DCBLD2: variants seen among roughly 807,000 people sequenced by gnomAD.
The protein encoded by DCBLD2 is discoidin, CUB and LCCL domain-containing protein 2.
A neutral mutation model predicts 86.8 loss-of-function variants in DCBLD2; 54 were observed. That is an observed-to-expected ratio of 0.62 (90% CI 0.50 to 0.78). The LOEUF (loss-of-function observed/expected upper bound fraction) is 0.78. Among genes scored for constraint, DCBLD2 ranks in the 30% least tolerant of loss-of-function variants. The probability of loss-of-function intolerance (pLI) is 0.00; values close to 1 mark genes in which losing one functional copy is unlikely to be tolerated. For missense variants in DCBLD2, 908 were observed against 954.2 expected (o/e 0.95, Z 0.64); for synonymous variants, 354 against 341.3 (o/e 1.04, Z -0.41).
intron 12 of DCBLD2, among the ~76,000 whole-genome samples, chr3:98,809,975 ATCT>A (rs1423317255): frequency 6.6e-6 from 1 of 152,202 alleles, no homozygotes; most frequent in Non-Finnish European, 1.5e-5. Flanking sequence ...GCTTTAAAAC[ATCT>A]TCTTAGGTTC....
intron 2 of DCBLD2, among the ~76,000 whole-genome samples, chr3:98,864,217 A>G (rs1943099291): frequency 6.6e-6 from 1 of 152,218 alleles, no homozygotes; most frequent in Non-Finnish European, 1.5e-5. Flanking sequence ...GGTGCTGGAG[A>G]GGTTGTGGAG....
intron 2 of DCBLD2, among the ~76,000 whole-genome samples, chr3:98,860,610 T>C (rs965479827): frequency 1.3e-5 from 2 of 152,172 alleles, no homozygotes; most frequent in African/African-American, 4.8e-5. Flanking sequence ...CGGAATTTCA[T>C]ATCCAGCCAA....
At chr3:98,861,757 C>A (rs941256346) in intron 2 of DCBLD2, among the ~76,000 whole-genome samples, 10 of 151,724 alleles carry the variant, frequency 6.6e-5, no homozygotes, top group East Asian at 1.9e-4. Context: ...GCACTAAATG[C>A]CCACAAGAGA....
intron 3 of DCBLD2, among the ~76,000 whole-genome samples, chr3:98,847,095 T>C (rs997044163): frequency 2.0e-5 from 3 of 152,226 alleles, no homozygotes; most frequent in African/African-American, 7.2e-5. Context: ...TCATCTCACT[T>C]GTGTTCTCTA....
chr3:98,804,416 A>G (rs1305160890), intron 13 of DCBLD2, among the ~76,000 whole-genome samples: 1 of 151,378 alleles, frequency 6.6e-6, no homozygotes, highest in East Asian at 1.9e-4. Context: ...TTTTTATTGC[A>G]TCTATTTGAT....
At chr3:98,805,079 G>A (rs1941808354) in intron 13 of DCBLD2, 1 of 152,308 alleles carries the variant, frequency 6.6e-6, no homozygotes, top group South Asian at 2.1e-4. Flanking sequence ...CTGCCGAAGT[G>A]AGCACCACAA....
At chr3:98,799,943 G>T in intron 15 of DCBLD2, 102 bp from the exon 16 acceptor site, 1 of 1,018,360 alleles carries the variant, frequency 9.8e-7, no homozygotes, top group East Asian at 2.6e-5. Flanking sequence ...ACATTCTTTA[G>T]GATACTTTTG....
At chr3:98,805,026 C>G (rs1941806080) in intron 13 of DCBLD2, 1 of 152,264 alleles carries the variant, frequency 6.6e-6, no homozygotes, top group Admixed American at 6.6e-5. Context: ...TGCACAGGGG[C>G]CATGCTAATC....
At position 98,825,370 on chromosome 3, in the gene DCBLD2, GA is replaced by G; in HGVS notation, c.572-5del. On this transcript the variant is annotated splice_polypyrimidine_tract_variant and splice_region_variant and intron_variant, in intron 3 of 15. Coordinates refer to ENST00000326840, the MANE Select transcript of DCBLD2 (RefSeq NM_080927.4). Reference sequence around the variant, plus strand: ...GTGTCCAAACAAGTAATTAGATCTAGAAAAACAAAAATAAAAAACTGATTCC... The same window carrying G: ...GTGTCCAAACAAGTAATTAGATCTAGAAAACAAAAATAAAAAACTGATTCC... 1.3e-6 allele frequency: 2 copies of G among 1,535,534 alleles called. No homozygotes were observed. The highest frequency in any genetic ancestry group is 1.7e-6 in the Non-Finnish European group (2 of 1,146,242).
chr3:98,808,096 C>T lies in DCBLD2; in HGVS notation c.1655G>A (p.Trp552Ter). 6.2e-7 allele frequency: 1 copy of T among 1,601,042 alleles called. No individual in the cohort carries two copies. Among genetic ancestry groups the T allele is most frequent in the Non-Finnish European group, 8.5e-7 (1 of 1,174,160 alleles). Residue 552 changes from tryptophan (W) to a stop codon, truncating the protein, a stop_gained, in exon 13 of 16, where the codon TGG becomes TAG. Coordinates refer to ENST00000326840, the MANE Select transcript of DCBLD2 (RefSeq NM_080927.4). LOFTEE classifies it high-confidence loss of function. ...TTLILILVCA[W>*]HWRNRKKKTE... is the part of the protein sequence containing the mutation. ...ATGTACTAACCTGTTTCTCCAGTGC[C>T]AAGCACACACTAATATGAGAATGAG...
chr3:98,836,641 G>A (rs1284228981), intron 3 of DCBLD2, among the ~76,000 whole-genome samples: 57 of 134,766 alleles, frequency 4.2e-4, no homozygotes, highest in African/African-American at 1.4e-3. Context: ...TGGCCGGGCA[G>A]AGGGGCTCCT....
At chr3:98,884,799 C>G (rs1488309661) in intron 1 of DCBLD2, among the ~76,000 whole-genome samples, 1 of 151,946 alleles carries the variant, frequency 6.6e-6, no homozygotes, top group African/African-American at 2.4e-5. Flanking sequence ...TTCAGAAACT[C>G]AAGTATTTTC....
intron 2 of DCBLD2, among the ~76,000 whole-genome samples, chr3:98,856,340 T>C (rs771953601): frequency 1.7e-4 from 26 of 151,480 alleles, no homozygotes; most frequent in Non-Finnish European, 3.2e-4. Flanking sequence ...AACAAATATA[T>C]ATGCAATCTC....
intron 3 of DCBLD2, among the ~76,000 whole-genome samples, chr3:98,845,268 A>T (rs1231191043): frequency 1.3e-5 from 2 of 152,208 alleles, no homozygotes; most frequent in Non-Finnish European, 2.9e-5. Flanking sequence ...ACTAGAAATG[A>T]AAGTGGAAGA....
At chr3:98,869,393 G>C (rs1432067666) in intron 2 of DCBLD2, among the ~76,000 whole-genome samples, 3 of 152,106 alleles carry the variant, frequency 2.0e-5, no homozygotes, top group East Asian at 3.9e-4. Flanking sequence ...CATTCTGTAG[G>C]TTCTCTGTTT....
rs1044488577 is a variant in DCBLD2 at position 98,901,599 on chromosome 3, G to A, written c.-273C>T. 1 of 286,656 alleles carries A rather than the reference G, an allele frequency of 3.5e-6. No individual in the cohort carries two copies. The highest frequency in any genetic ancestry group is 6.4e-6 in the Non-Finnish European group (1 of 156,044). 17.8% of individuals were successfully genotyped at this position (286,656 alleles called of 1,614,324 possible). A position where few individuals can be genotyped will look rare whatever the true frequency, so the allele number is the denominator to read the frequency against. The stretch of plus-strand genomic sequence containing the variant: ...TCCTCGAGCCGCGGAGGACGGCCGC[G>A]GCGGAGCTAAGGAACGTGCCTCCCG... On this transcript the variant is annotated 5_prime_UTR_variant, in exon 1 of 16. Coordinates refer to ENST00000326840, the MANE Select transcript of DCBLD2 (RefSeq NM_080927.4).
chr3:98,819,240 C>T lies in DCBLD2; in HGVS notation c.1049G>A (p.Trp350Ter). The change falls in exon 8 of 16, where the codon TGG (tryptophan) becomes TAG (stop). Residue 350 changes from tryptophan to a stop codon, truncating the protein, a stop_gained. Transcript: ENST00000326840. LOFTEE classifies it high-confidence loss of function. ...TTCCTTATTCAAATCTATTTGTAAC[C>T]ACTGGTATTCATCAGTGGCAAAAGC... The part of the protein sequence containing the change: ...WAAFATDEYQ[W>*]LQIDLNKEKK... 6.2e-7 allele frequency: 1 copy of T among 1,601,346 alleles called. No homozygotes were observed.
At chr3:98,817,663 T>C (rs1041521605) in intron 9 of DCBLD2, 106 bp downstream of exon 9, 1 of 1,101,716 alleles carries the variant, frequency 9.1e-7, no homozygotes, top group East Asian at 2.7e-5. Context: ...GAGGGTAGTA[T>C]AAGACATTCT....
intron 4 of DCBLD2, among the ~76,000 whole-genome samples, chr3:98,823,085 C>A (rs1942153485): frequency 6.6e-6 from 1 of 152,126 alleles, no homozygotes; most frequent in African/African-American, 2.4e-5. Flanking sequence ...GTTGGCCAGG[C>A]TGGTCTCAAA....
Sources: gnomAD v4.1 joint callset for allele counts (sites outside exome capture counted in the v4.1 genomes callset) on GRCh38, gnomAD v4.1.1 for gene constraint, MANE v1.5 for transcripts, NCBI Gene and HGNC (gene_info 2026-07-23, HGNC 2026-07-21) for gene names.